LARGE1: variants seen among roughly 807,000 people sequenced by gnomAD.
LARGE1 encodes the protein xylosyl- and glucuronyltransferase LARGE1.
Under a neutral mutation model 87.6 loss-of-function variants are expected in LARGE1, and 43 were observed. That is an observed-to-expected ratio of 0.49 (90% CI 0.38 to 0.63). The LOEUF (loss-of-function observed/expected upper bound fraction) is 0.63. Ranked by LOEUF, LARGE1 falls within the 30% of genes least tolerant of loss-of-function variation. LARGE1 has a pLI of 0.00. For missense variants in LARGE1, 802 were observed against 1,000.2 expected, an observed-to-expected ratio of 0.80 and a Z score of 2.67; for synonymous variants, 434 against 394.6, an observed-to-expected ratio of 1.10 and a Z score of -1.18.
intron 6 of LARGE1, among the ~76,000 whole-genome samples, chr22:33,487,624 C>G (rs1267089095): frequency 6.6e-6 from 1 of 152,200 alleles, no homozygotes; most frequent in Non-Finnish European, 1.5e-5. Flanking sequence ...GACGAAGAAC[C>G]TGCCACAAAG....
At chr22:33,872,656 G>A (rs2064331517) in intron 1 of LARGE1, among the ~76,000 whole-genome samples, 1 of 151,802 alleles carries the variant, frequency 6.6e-6, no homozygotes, top group East Asian at 2.0e-4. Context: ...CTGGTCTTAT[G>A]GAGCACACTG....
chr22:33,707,393 T>C (rs1395827306), intron 2 of LARGE1, among the ~76,000 whole-genome samples: 1 of 152,256 alleles, frequency 6.6e-6, no homozygotes, highest in African/African-American at 2.4e-5. Flanking sequence ...TTGCCAGGGA[T>C]CCTCTTTGAC....
chr22:33,200,378 G>A (rs1055678552), intron 11 of LARGE1, among the ~76,000 whole-genome samples: 1 of 152,094 alleles, frequency 6.6e-6, no homozygotes, highest in African/African-American at 2.4e-5. Flanking sequence ...CAAAACCCTC[G>A]TACGTCGCTG....
At chr22:33,656,685 G>A (rs924923862) in intron 2 of LARGE1, among the ~76,000 whole-genome samples, 1 of 152,032 alleles carries the variant, frequency 6.6e-6, no homozygotes, top group Non-Finnish European at 1.5e-5. Flanking sequence ...ATGATGTATC[G>A]TTCTATCATG....
chr22:33,134,321 C>T, the LARGE1 span, among the ~76,000 whole-genome samples: 1 of 144,378 alleles, frequency 6.9e-6, no homozygotes, highest in East Asian at 2.1e-4. Flanking sequence ...TGCAGTGGTG[C>T]AATCTCTGCT....
chr22:33,843,440 A>AAATAAATAAAT (rs1568978753), intron 1 of LARGE1, among the ~76,000 whole-genome samples: 3 of 146,624 alleles, frequency 2.0e-5, no homozygotes, highest in African/African-American at 5.1e-5. Context: ...CCCTCTCAAA[A>AAATAAATAAAT]AAATAAATAA....
At chr22:33,437,960 C>T (rs2067331462) in intron 6 of LARGE1, among the ~76,000 whole-genome samples, 1 of 152,098 alleles carries the variant, frequency 6.6e-6, no homozygotes, top group African/African-American at 2.4e-5. Context: ...TCCCTTCCCA[C>T]CGAGTCACCT....
At chr22:33,813,431 CCA>C (rs1363550487) in intron 1 of LARGE1, among the ~76,000 whole-genome samples, 1 of 152,022 alleles carries the variant, frequency 6.6e-6, no homozygotes, top group Admixed American at 6.6e-5. Flanking sequence ...CAGCAATGTC[CCA>C]CACACACATC....
chr22:33,463,450 T>C (rs898017864), intron 6 of LARGE1, among the ~76,000 whole-genome samples: 13 of 152,160 alleles, frequency 8.5e-5, no homozygotes, highest in African/African-American at 2.9e-4. Flanking sequence ...TATTGGATGA[T>C]ATTAAAGAAC....
Position 33,624,856 on chromosome 22 carries a change from T to G in LARGE1, c.491+1388A>C, listed in dbSNP as rs185777749. On this transcript the variant is annotated intron_variant, in intron 4 of 14. Transcript: ENST00000397394. The stretch of plus-strand genomic sequence containing the variant: ...AGGTGAGAGGATAGGTGGCCCTGAA[T>G]GACATCAGTTGCAGTGGGGATGGAG... Among the ~76,000 whole-genome samples, 7 of 152,280 alleles carry G rather than the reference T, an allele frequency of 4.6e-5. No individual in the cohort carries two copies. The East Asian group carries it at 9.7e-4, about 21-fold the overall frequency.
Position 33,650,907 on chromosome 22 carries a change from T to A in LARGE1, c.107-239A>T, listed in dbSNP as rs575459243. The stretch of plus-strand genomic sequence containing the variant: ...ATATGCCTTTTAGAGAAGGCAATCA[T>A]AATAAAATTGTTTCTAATTAAATGC... On this transcript the variant is annotated intron_variant, in intron 2 of 14. Transcript: ENST00000397394. 5.3e-5 allele frequency among the ~76,000 whole-genome samples: 8 copies of A among 152,280 alleles called. No individual in the cohort carries two copies. The East Asian group carries it at 1.5e-3, about 29-fold the overall frequency.
At chr22:33,582,832 T>C (rs5999022) in intron 5 of LARGE1, among the ~76,000 whole-genome samples, 6 of 152,340 alleles carry the variant, frequency 3.9e-5, no homozygotes, top group African/African-American at 1.4e-4. Context: ...CTCATGCTTG[T>C]CTTGTACAAA....
intron 6 of LARGE1, among the ~76,000 whole-genome samples, chr22:33,434,758 C>T (rs1488676812): frequency 1.3e-5 from 2 of 152,124 alleles, no homozygotes; most frequent in African/African-American, 4.8e-5. Flanking sequence ...CACTTTATTC[C>T]TGCCAAACAA....
intron 6 of LARGE1, among the ~76,000 whole-genome samples, chr22:33,496,912 CATTTT>C (rs2070152265): frequency 2.0e-5 from 3 of 151,996 alleles, no homozygotes. Context: ...TTATCTTTTT[CATTTT>C]ATTTTTGCTT....
intron 5 of LARGE1, among the ~76,000 whole-genome samples, chr22:33,601,292 G>A (rs868741790): frequency 1.4e-4 from 22 of 152,278 alleles, no homozygotes; most frequent in Middle Eastern, 3.4e-3. Context: ...CACAAAGCAT[G>A]GACTAGGTAG....
At position 33,700,738 on chromosome 22, in the gene LARGE1, T is replaced by C. The variant is rs142822455; in HGVS notation, c.107-50070A>G. On this transcript the variant is annotated intron_variant, in intron 2 of 14. Transcript: ENST00000397394. Reference sequence around the variant, plus strand: ...GAAACCCATAAGTAGGCAGAGGTCTTGAAGGACATTCTGAGTAGAGGGAAA... The same window carrying C: ...GAAACCCATAAGTAGGCAGAGGTCTCGAAGGACATTCTGAGTAGAGGGAAA... 6.7e-4 allele frequency among the ~76,000 whole-genome samples: 102 copies of C among 152,230 alleles called. 2 individuals carry two copies. The highest frequency in any genetic ancestry group is 2.4e-3 in the African/African-American group (100 of 41,550).
At chr22:33,802,372 G>A (rs1403381587) in intron 1 of LARGE1, among the ~76,000 whole-genome samples, 3 of 152,302 alleles carry the variant, frequency 2.0e-5, no homozygotes, top group East Asian at 3.9e-4. Flanking sequence ...CAGGCTGGGA[G>A]TCTTCCTTTG....
chr22:33,632,169 C>A (rs1377930563), intron 3 of LARGE1, among the ~76,000 whole-genome samples: 1 of 152,170 alleles, frequency 6.6e-6, no homozygotes, highest in African/African-American at 2.4e-5. Context: ...ATCGCCCAGG[C>A]TGGAATGCAG....
the LARGE1 span, among the ~76,000 whole-genome samples, chr22:33,152,383 T>G: frequency 1.3e-5 from 2 of 152,204 alleles, no homozygotes; most frequent in African/African-American, 4.8e-5. Flanking sequence ...ACTCCTTGCC[T>G]CATGACATGT....
Sources: gnomAD v4.1 joint callset for allele counts (sites outside exome capture counted in the v4.1 genomes callset) on GRCh38, gnomAD v4.1.1 for gene constraint, MANE v1.5 for transcripts, NCBI Gene and HGNC (gene_info 2026-07-23, HGNC 2026-07-21) for gene names.